PDS5A: variants seen among roughly 807,000 people sequenced by gnomAD.
The protein encoded by PDS5A is PDS5 cohesin associated factor A.
PDS5A carries 42 observed loss-of-function variants against 167.1 expected under a neutral mutation model. The ratio of observed to expected loss-of-function variants is 0.25; its 90% confidence interval spans 0.20 to 0.33. PDS5A has a LOEUF of 0.33. Among genes scored for constraint, PDS5A ranks in the 10% least tolerant of loss-of-function variants. PDS5A has a pLI of 1.00. For missense variants in PDS5A, 1,033 were observed against 1,605.9 expected (o/e 0.64, Z 6.10); for synonymous variants, 553 against 554.6 (o/e 1.00, Z 0.04).
chr4:39,889,358 AGGCCAGGCACTGG>A (rs1264927882), intron 17 of PDS5A, among the ~76,000 whole-genome samples: 1 of 152,262 alleles, frequency 6.6e-6, no homozygotes. Flanking sequence ...TCTTTTGTTC[AGGCCAGGCACTGG>A]GGTATTTTGT....
chr4:39,871,641 G>GT (rs1467151838), intron 21 of PDS5A, among the ~76,000 whole-genome samples: 1 of 152,184 alleles, frequency 6.6e-6, no homozygotes, highest in Non-Finnish European at 1.5e-5. Context: ...CAGCATATCT[G>GT]TGTCTTTATT....
At chr4:39,962,336 G>GT (rs1729564032) in intron 2 of PDS5A, among the ~76,000 whole-genome samples, 1 of 151,930 alleles carries the variant, frequency 6.6e-6, no homozygotes, top group African/African-American at 2.4e-5. Flanking sequence ...GATTACAGGC[G>GT]TAAGCCACCG....
chr4:39,882,509 A>G (rs796252564), intron 17 of PDS5A, among the ~76,000 whole-genome samples: 47 of 152,352 alleles, frequency 3.1e-4, no homozygotes, highest in African/African-American at 1.0e-3. Flanking sequence ...ATCCTAGTCA[A>G]CATTGCTTGA....
intron 32 of PDS5A, among the ~76,000 whole-genome samples, chr4:39,828,836 C>G (rs1473783529): frequency 6.6e-6 from 1 of 152,004 alleles, no homozygotes; most frequent in African/African-American, 2.4e-5. Flanking sequence ...GAGTTGTGAA[C>G]AGAGCCGAAA....
Position 39,913,693 on chromosome 4 carries a change from G to T in PDS5A, c.910C>A (p.Arg304=), listed in dbSNP as rs752664537. Reference sequence around the variant, plus strand: ...GAGCCAAACAATTTAGCTAGAAGTCGAACAACAGCTAATCGCTCTTCTCCA... The same window carrying T: ...GAGCCAAACAATTTAGCTAGAAGTCTAACAACAGCTAATCGCTCTTCTCCA... ...NDGEERLAVV[R]LLAKLFGSKD... Residue 304 remains arginine, a synonymous_variant, in exon 9 of 33, where the codon CGA becomes AGA. Transcript: ENST00000303538. The T allele has an allele frequency of 6.2e-7, 1 of 1,608,524 alleles. No homozygotes were observed. The highest frequency in any genetic ancestry group is 1.1e-5 in the South Asian group (1 of 90,992).
At chr4:39,934,699 A>T (rs1425761656) in intron 2 of PDS5A, among the ~76,000 whole-genome samples, 1 of 151,310 alleles carries the variant, frequency 6.6e-6, no homozygotes, top group Admixed American at 6.6e-5. Context: ...TAATATTGAT[A>T]AAAAAGAAAC....
At chr4:39,876,116 C>T (rs978353865) in intron 19 of PDS5A, among the ~76,000 whole-genome samples, 1 of 151,994 alleles carries the variant, frequency 6.6e-6, no homozygotes, top group Non-Finnish European at 1.5e-5. Flanking sequence ...GGGTAGAATT[C>T]CTCTAAGAAT....
In PDS5A at chr4:39,862,960, A is replaced by T; in HGVS notation, c.2880T>A (p.Pro960=). 6.2e-7 allele frequency: 1 copy of T among 1,613,510 alleles called. No homozygotes were observed. The change falls in exon 25 of 33, where the codon CCT becomes CCA. Residue 960 remains proline, a synonymous_variant. Coordinates refer to ENST00000303538, the MANE Select transcript of PDS5A (RefSeq NM_001100399.2). ...MAIFALCAKD[P]VKERRAHARQ... ...GTGCGTGTGCTCTTCTCTCCTTCACAGGATCTTTGGCACACAAGGCAAAGA... is the reference window on the plus strand; with the variant it reads ...GTGCGTGTGCTCTTCTCTCCTTCACTGGATCTTTGGCACACAAGGCAAAGA...
chr4:39,924,166 A>C (rs1725259594), intron 5 of PDS5A, among the ~76,000 whole-genome samples: 1 of 152,172 alleles, frequency 6.6e-6, no homozygotes, highest in African/African-American at 2.4e-5. Context: ...CATGTGACCC[A>C]GTTCTATCAC....
At chr4:39,878,868 G>A (rs553098318) in intron 18 of PDS5A, among the ~76,000 whole-genome samples, 237 of 151,870 alleles carry the variant, frequency 1.6e-3, no homozygotes, top group Non-Finnish European at 2.8e-3. Context: ...CTCAGCCTCC[G>A]AAGTAGCTGT....
chr4:39,858,946 T>C (rs771908142), intron 26 of PDS5A, among the ~76,000 whole-genome samples: 11 of 152,094 alleles, frequency 7.2e-5, no homozygotes, highest in Non-Finnish European at 1.0e-4. Context: ...AAGTACTGTA[T>C]AGGCAACAAA....
intron 7 of PDS5A, among the ~76,000 whole-genome samples, chr4:39,918,449 G>A (rs1040260660): frequency 2.0e-5 from 3 of 152,162 alleles, no homozygotes; most frequent in Non-Finnish European, 2.9e-5. Flanking sequence ...CGTCACACAT[G>A]CAGAAGAATT....
chr4:39,862,848 G>A (rs1326158220), intron 25 of PDS5A, 21 bp downstream of exon 25: 7 of 1,464,764 alleles, frequency 4.8e-6, no homozygotes, highest in African/African-American at 2.8e-5. Context: ...ATTTGCACAC[G>A]GAGAACTCTG....
At chr4:39,934,985 C>A (rs1402644301) in intron 2 of PDS5A, among the ~76,000 whole-genome samples, 1 of 152,072 alleles carries the variant, frequency 6.6e-6, no homozygotes, top group Non-Finnish European at 1.5e-5. Context: ...TCTTTAACAG[C>A]ATAGAAAAAT....
At position 39,842,909 on chromosome 4, in the gene PDS5A, T is replaced by TTTTATATATATATATATATATA. The variant is rs751901010; in HGVS notation, c.3549-854_3549-853insTATATATATATATATATATAAA. Among the ~76,000 whole-genome samples the TTTTATATATATATATATATATA allele has an allele frequency of 1.5e-4, 14 of 92,310 alleles. 2 individuals are homozygous for TTTTATATATATATATATATATA. Among genetic ancestry groups the TTTTATATATATATATATATATA allele is most frequent in the South Asian group, 8.1e-4 (2 of 2,464 alleles). 60.6% of individuals were successfully genotyped at this position (92,310 alleles called of 152,430 possible). On this transcript the variant is annotated intron_variant, in intron 30 of 32. Transcript: ENST00000303538. ...AGAACAATGTAAACTTATCCTATTT[T>TTTTATATATATATATATATATA]TATATATATATATATATATATATAT...
At chr4:39,880,101 G>C (rs974127009) in intron 17 of PDS5A, among the ~76,000 whole-genome samples, 2 of 151,970 alleles carry the variant, frequency 1.3e-5, no homozygotes, top group Admixed American at 1.3e-4. Context: ...ATTCACATAA[G>C]TAATTTAATA....
At position 39,932,696 on chromosome 4, in the gene PDS5A, T is replaced by G. The variant is rs139175616; in HGVS notation, c.139-4532A>C. 4.6e-3 allele frequency: 705 copies of G among 152,116 alleles called. 3 individuals carry two copies. Among genetic ancestry groups the G allele is most frequent in the Non-Finnish European group, 6.8e-3 (466 of 68,316 alleles). The allele number at this position is 152,116 out of a possible 1,614,324, so 9.4% of individuals were successfully genotyped here. Reference sequence around the variant, plus strand: ...AAATACAAAAATTAGCTGGGCCTGGTGGTGCGCGCCTATAATCCCAGCTAC... The same window carrying G: ...AAATACAAAAATTAGCTGGGCCTGGGGGTGCGCGCCTATAATCCCAGCTAC... On this transcript the variant is annotated intron_variant, in intron 2 of 32. Transcript: ENST00000303538.
At chr4:39,967,222 T>C (rs1475737782) in intron 2 of PDS5A, among the ~76,000 whole-genome samples, 3 of 152,044 alleles carry the variant, frequency 2.0e-5, no homozygotes, top group Non-Finnish European at 4.4e-5. Context: ...GGAGAATTGC[T>C]TGAACCTGGG....
At chr4:39,973,058 T>A (rs1235179573) in intron 2 of PDS5A, 2 of 678,376 alleles carry the variant, frequency 2.9e-6, no homozygotes, top group African/African-American at 3.6e-5. Context: ...TTTCCATATT[T>A]AAGTTTTTCG....
Sources: gnomAD v4.1 joint callset for allele counts (sites outside exome capture counted in the v4.1 genomes callset) on GRCh38, gnomAD v4.1.1 for gene constraint, MANE v1.5 for transcripts, NCBI Gene and HGNC (gene_info 2026-07-23, HGNC 2026-07-21) for gene names.